Variants in XKR9 observed in about 807,000 individuals in gnomAD.
The protein encoded by XKR9 is XK-related protein 9.
XKR9 carries 32 observed loss-of-function variants against 32.0 expected under a neutral mutation model. The observed-to-expected ratio is 1.00, with a 90% CI of 0.76 to 1.34. The LOEUF (loss-of-function observed/expected upper bound fraction) is 1.34, where lower values mean the gene tolerates loss of function less well. Ranked by LOEUF, XKR9 falls within the 40% of genes most tolerant of loss-of-function variation. The pLI, the probability that XKR9 is intolerant of heterozygous loss-of-function variation, is 0.00. For missense variants in XKR9, 546 were observed against 429.7 expected (o/e 1.27, Z -2.39); for synonymous variants, 168 against 143.4 (o/e 1.17, Z -1.22).
the XKR9 span, among the ~76,000 whole-genome samples, chr8:70,817,051 T>C: frequency 6.6e-6 from 1 of 152,018 alleles, no homozygotes; most frequent in Non-Finnish European, 1.5e-5. Context: ...ATTTTATATC[T>C]AGAAAACCCT....
chr8:70,867,770 C>T, the XKR9 span, among the ~76,000 whole-genome samples: 1 of 152,148 alleles, frequency 6.6e-6, no homozygotes, highest in Non-Finnish European at 1.5e-5. Flanking sequence ...AAAGTCTTAA[C>T]TCATTTCAGC....
the XKR9 span, among the ~76,000 whole-genome samples, chr8:70,932,693 TCTG>T: frequency 6.6e-6 from 1 of 152,174 alleles, no homozygotes; most frequent in East Asian, 1.9e-4. Flanking sequence ...AGTGCCACCT[TCTG>T]CTGTGTCCTC....
chr8:70,697,534 C>A (rs1805328807), intron 3 of XKR9, among the ~76,000 whole-genome samples: 2 of 150,054 alleles, frequency 1.3e-5, no homozygotes, highest in African/African-American at 4.9e-5. Flanking sequence ...GGGATGAAGC[C>A]CACTTGATCA....
At chr8:70,768,828 G>C (rs966251410) in intron 2 of XKR9, among the ~76,000 whole-genome samples, 3 of 149,336 alleles carry the variant, frequency 2.0e-5, no homozygotes, top group Non-Finnish European at 4.4e-5. Context: ...ATGTGTCTTT[G>C]CACATGAGAT....
chr8:71,028,833 T>G, the XKR9 span, among the ~76,000 whole-genome samples: 1 of 152,186 alleles, frequency 6.6e-6, no homozygotes. Context: ...CAGCTAACTA[T>G]TCACAGATTT....
At chr8:71,031,969 C>A in the XKR9 span, among the ~76,000 whole-genome samples, 1 of 152,134 alleles carries the variant, frequency 6.6e-6, no homozygotes, top group Non-Finnish European at 1.5e-5. Context: ...GACCACAATA[C>A]CTCCCATCCC....
At chr8:70,828,139 G>C in the XKR9 span, among the ~76,000 whole-genome samples, 1 of 152,176 alleles carries the variant, frequency 6.6e-6, no homozygotes, top group Non-Finnish European at 1.5e-5. Context: ...CAACTTGGCT[G>C]CCTGGCGTTT....
chr8:70,832,344 AAAAG>A, the XKR9 span, among the ~76,000 whole-genome samples: 1 of 152,208 alleles, frequency 6.6e-6, no homozygotes, highest in East Asian at 1.9e-4. Flanking sequence ...GGAGAAAAGT[AAAAG>A]AAAAGAGAAA....
At chr8:70,931,664 G>A in the XKR9 span, among the ~76,000 whole-genome samples, 2 of 152,180 alleles carry the variant, frequency 1.3e-5, no homozygotes, top group Non-Finnish European at 2.9e-5. Flanking sequence ...CATGGCACTG[G>A]CATCTGTTTG....
chr8:70,832,762 G>A, the XKR9 span, among the ~76,000 whole-genome samples: 8 of 152,146 alleles, frequency 5.3e-5, no homozygotes, highest in Admixed American at 4.6e-4. Context: ...ACTTGCTCAA[G>A]GTCACAGAAC....
the XKR9 span, among the ~76,000 whole-genome samples, chr8:70,833,247 C>T: frequency 6.6e-6 from 1 of 152,206 alleles, no homozygotes; most frequent in South Asian, 2.1e-4. Context: ...TGTGGTTTCT[C>T]AGAATTGTAA....
At chr8:70,715,693 A>G (rs1806064040) in intron 4 of XKR9, among the ~76,000 whole-genome samples, 1 of 152,186 alleles carries the variant, frequency 6.6e-6, no homozygotes. Context: ...AAGCAAAGAA[A>G]GATGATTCTA....
chr8:70,894,856 G>A, the XKR9 span, among the ~76,000 whole-genome samples: 1 of 152,066 alleles, frequency 6.6e-6, no homozygotes, highest in East Asian at 1.9e-4. Context: ...GGGCTGTTGG[G>A]ACACCAGCCT....
chr8:70,759,865 C>A (rs1442540652), intron 2 of XKR9, among the ~76,000 whole-genome samples: 7 of 152,144 alleles, frequency 4.6e-5, no homozygotes, highest in Admixed American at 4.6e-4. Context: ...TAACTTTCAA[C>A]AAAGAATTGC....
intron 2 of XKR9, among the ~76,000 whole-genome samples, chr8:70,742,093 A>G (rs1044383878): frequency 1.3e-5 from 2 of 152,082 alleles, no homozygotes; most frequent in East Asian, 3.9e-4. Flanking sequence ...TTGGCCATTC[A>G]TATATCTTCT....
At chr8:71,064,921 T>G in the XKR9 span, among the ~76,000 whole-genome samples, 1 of 152,136 alleles carries the variant, frequency 6.6e-6, no homozygotes, top group Non-Finnish European at 1.5e-5. Flanking sequence ...ACACTGAAGG[T>G]CATCTTGGAC....
chr8:70,874,885 C>T, the XKR9 span, among the ~76,000 whole-genome samples: 2 of 152,084 alleles, frequency 1.3e-5, no homozygotes, highest in Non-Finnish European at 2.9e-5. Flanking sequence ...AAGAGCATGC[C>T]TTTTTTCCCA....
At chr8:71,026,380 T>A in the XKR9 span, among the ~76,000 whole-genome samples, 1 of 152,214 alleles carries the variant, frequency 6.6e-6, no homozygotes, top group Non-Finnish European at 1.5e-5. Flanking sequence ...AGATCTTCCA[T>A]ACAAAATTAT....
chr8:70,736,603 C>T (rs557103320), downstream of XKR9, among the ~76,000 whole-genome samples: 1 of 152,022 alleles, frequency 6.6e-6, no homozygotes, highest in Admixed American at 6.6e-5. Flanking sequence ...GGTTTTAGGT[C>T]TAACATTTAA....
Sources: allele counts gnomAD v4.1 joint callset (sites outside exome capture counted in the v4.1 genomes callset), GRCh38; gene constraint gnomAD v4.1.1; transcripts MANE v1.5; gene names NCBI Gene and HGNC (gene_info 2026-07-23, HGNC 2026-07-21).